The following SLC35F1 variants were observed in gnomAD, a reference collection of about 807,000 sequenced individuals.
SLC35F1 encodes the protein solute carrier family 35 member F1.
A neutral mutation model predicts 48.7 loss-of-function variants in SLC35F1; 14 were observed. The ratio of observed to expected loss-of-function variants is 0.29; its 90% CI spans 0.19 to 0.45. The LOEUF (loss-of-function observed/expected upper bound fraction) is 0.45. Ranked by LOEUF, SLC35F1 falls within the 20% of genes least tolerant of loss-of-function variation. The pLI, the probability that SLC35F1 is intolerant of heterozygous loss-of-function variation, is 1.00. For missense variants in SLC35F1, 404 were observed against 500.0 expected, an observed-to-expected ratio of 0.81 and a Z score of 1.83; for synonymous variants, 190 against 202.2, an observed-to-expected ratio of 0.94 and a Z score of 0.51.
At chr6:118,144,757 T>G (rs1009192307) in intron 1 of SLC35F1, among the ~76,000 whole-genome samples, 1 of 152,130 alleles carries the variant, frequency 6.6e-6, no homozygotes, top group Non-Finnish European at 1.5e-5. Context: ...TTATTTTATA[T>G]GTGGAAAAAT....
Position 118,285,844 on chromosome 6 carries a change from G to A in SLC35F1, c.1002+506G>A, listed in dbSNP as rs189006559. 6.9e-4 allele frequency among the ~76,000 whole-genome samples: 105 copies of A among 152,250 alleles called. 1 individual carries two copies. Among genetic ancestry groups the A allele is most frequent in the African/African-American group, 2.4e-3 (101 of 41,560 alleles). On this transcript the variant is annotated intron_variant, in intron 7 of 7. Transcript: ENST00000360388. ...TTTTTACTAAAAGATTGGGGTTTGA[G>A]TAAAGGAATGCAAAGAGATCATGTG...
chr6:118,206,773 A>G (rs1035318033), intron 2 of SLC35F1, among the ~76,000 whole-genome samples: 8 of 152,162 alleles, frequency 5.3e-5, no homozygotes, highest in African/African-American at 1.9e-4. Context: ...TGTCCATCAC[A>G]GGGAACCAAG....
intron 1 of SLC35F1, among the ~76,000 whole-genome samples, chr6:118,111,684 T>A (rs371159320): frequency 1.3e-5 from 2 of 152,084 alleles, no homozygotes; most frequent in Admixed American, 1.3e-4. Flanking sequence ...GAATGTAAAA[T>A]AAAATTTTGT....
At chr6:118,153,588 A>G (rs1314469369) in intron 1 of SLC35F1, among the ~76,000 whole-genome samples, 1 of 152,254 alleles carries the variant, frequency 6.6e-6, no homozygotes, top group Non-Finnish European at 1.5e-5. Context: ...GTGTAAAAGC[A>G]TGTGGGTGTA....
At chr6:118,053,625 T>G (rs1772421775) in intron 1 of SLC35F1, among the ~76,000 whole-genome samples, 1 of 152,186 alleles carries the variant, frequency 6.6e-6, no homozygotes, top group Admixed American at 6.5e-5. Flanking sequence ...CACTTAATGG[T>G]GTATGGTTAA....
chr6:118,117,469 T>A (rs1482374396), intron 1 of SLC35F1, among the ~76,000 whole-genome samples: 2 of 152,160 alleles, frequency 1.3e-5, no homozygotes, highest in Non-Finnish European at 2.9e-5. Context: ...CTGGGAGTAG[T>A]CTTCTGAAAT....
In SLC35F1 at chr6:118,099,656, G is replaced by T. The variant is rs1034576149; in HGVS notation, c.174-54789G>T. ...GGGGGCTGAAGGGAGTAACCCCAAG[G>T]TTAAAAATAGCCCGGTGGCCAAGAG... On this transcript the variant is annotated intron_variant, in intron 1 of 7. Coordinates refer to ENST00000360388, the MANE Select transcript of SLC35F1 (RefSeq NM_001029858.4). 3.4e-4 allele frequency among the ~76,000 whole-genome samples: 51 copies of T among 152,180 alleles called. 1 individual carries two copies. Among genetic ancestry groups the T allele is most frequent in the Admixed American group, 3.1e-3 (48 of 15,296 alleles).
intron 1 of SLC35F1, among the ~76,000 whole-genome samples, chr6:117,923,625 A>ATATGTACATATG (rs1775940231): frequency 2.5e-5 from 3 of 120,106 alleles, no homozygotes; most frequent in Non-Finnish European, 3.4e-5. Flanking sequence ...ATATGTATAT[A>ATATGTACATATG]TACATATATG....
intron 1 of SLC35F1, among the ~76,000 whole-genome samples, chr6:117,986,030 T>A (rs1582601352): frequency 2.6e-5 from 4 of 152,340 alleles, no homozygotes. Flanking sequence ...TGTTTTCATC[T>A]CTTTCTCACT....
At chr6:118,265,594 G>T (rs1056634514) in intron 3 of SLC35F1, among the ~76,000 whole-genome samples, 13 of 152,176 alleles carry the variant, frequency 8.5e-5, no homozygotes, top group African/African-American at 3.1e-4. Context: ...AGGCCCTGGG[G>T]CATGAAGGAG....
At chr6:118,173,274 C>T (rs912030424) in intron 2 of SLC35F1, among the ~76,000 whole-genome samples, 1 of 151,294 alleles carries the variant, frequency 6.6e-6, no homozygotes, top group African/African-American at 2.4e-5. Flanking sequence ...TGAAAAGAAA[C>T]CTAAATGTAC....
intron 1 of SLC35F1, among the ~76,000 whole-genome samples, chr6:118,117,897 G>T (rs771712116): frequency 6.6e-5 from 10 of 152,064 alleles, no homozygotes; most frequent in African/African-American, 1.7e-4. Context: ...CCGTGTTGTT[G>T]TATGCATTAC....
chr6:118,140,778 C>T (rs531023456), intron 1 of SLC35F1, among the ~76,000 whole-genome samples: 18 of 152,036 alleles, frequency 1.2e-4, no homozygotes, highest in Middle Eastern at 6.8e-3. Flanking sequence ...GACCTTGATC[C>T]TTTGTAGGCC....
At chr6:118,255,788 G>T (rs1466381211) in intron 3 of SLC35F1, among the ~76,000 whole-genome samples, 4 of 152,142 alleles carry the variant, frequency 2.6e-5, no homozygotes, top group Admixed American at 2.6e-4. Flanking sequence ...CCTGGAAAAG[G>T]GCTGTTATAT....
chr6:117,937,098 T>A (rs1776171531), intron 1 of SLC35F1, among the ~76,000 whole-genome samples: 1 of 152,244 alleles, frequency 6.6e-6, no homozygotes, highest in South Asian at 2.1e-4. Context: ...ATTCTCATTT[T>A]GAGGATGAGG....
chr6:118,173,815 C>T (rs1378728015), intron 2 of SLC35F1, among the ~76,000 whole-genome samples: 1 of 152,034 alleles, frequency 6.6e-6, no homozygotes, highest in African/African-American at 2.4e-5. Context: ...GACTGGAGAG[C>T]AAAGAGAAGT....
At chr6:118,069,563 A>G (rs985763572) in intron 1 of SLC35F1, among the ~76,000 whole-genome samples, 2 of 152,126 alleles carry the variant, frequency 1.3e-5, no homozygotes, top group African/African-American at 2.4e-5. Context: ...CTTGCTTACC[A>G]CTCAAATTTG....
At chr6:118,201,922 T>C (rs1356029277) in intron 2 of SLC35F1, among the ~76,000 whole-genome samples, 1 of 152,216 alleles carries the variant, frequency 6.6e-6, no homozygotes. Flanking sequence ...GGTTCATCCA[T>C]TTTGTAGCAT....
At chr6:118,111,185 A>T (rs967886476) in intron 1 of SLC35F1, among the ~76,000 whole-genome samples, 1 of 152,156 alleles carries the variant, frequency 6.6e-6, no homozygotes, top group African/African-American at 2.4e-5. Flanking sequence ...TGAAGTAATG[A>T]TGGCTGAGTA....
Sources: gnomAD v4.1 joint callset for allele counts (sites outside exome capture counted in the v4.1 genomes callset) on GRCh38, gnomAD v4.1.1 for gene constraint, MANE v1.5 for transcripts, NCBI Gene and HGNC (gene_info 2026-07-23, HGNC 2026-07-21) for gene names.